ANO3: variants seen among roughly 807,000 people sequenced by gnomAD.
ANO3 encodes anoctamin-3.
ANO3 carries 99 observed loss-of-function variants against 144.8 expected under a neutral mutation model. The ratio of observed to expected loss-of-function variants is 0.68; its 90% CI spans 0.58 to 0.81. The LOEUF (loss-of-function observed/expected upper bound fraction) is 0.81, where lower values mean the gene tolerates loss of function less well. Ranked by LOEUF, ANO3 falls within the 30% of genes least tolerant of loss-of-function variation. The pLI, the probability that ANO3 is intolerant of heterozygous loss-of-function variation, is 0.00. For missense variants in ANO3, 905 were observed against 1,202.2 expected, an observed-to-expected ratio of 0.75 and a Z score of 3.66; for synonymous variants, 414 against 392.6, an observed-to-expected ratio of 1.05 and a Z score of -0.64.
intron 14 of ANO3, chr11:26,572,409 T>C (rs1850864312): frequency 8.5e-6 from 2 of 235,190 alleles, no homozygotes; most frequent in African/African-American, 4.7e-5. Flanking sequence ...TTTTTCACCC[T>C]AAGTGAAAAA....
At chr11:26,370,648 A>G (rs1856226250) in intron 1 of ANO3, among the ~76,000 whole-genome samples, 1 of 152,188 alleles carries the variant, frequency 6.6e-6, no homozygotes, top group Non-Finnish European at 1.5e-5. Flanking sequence ...GGAACTTCCT[A>G]GAGACTTTTT....
chr11:26,464,278 G>A (rs578005705), intron 4 of ANO3, among the ~76,000 whole-genome samples: 1 of 151,822 alleles, frequency 6.6e-6, no homozygotes, highest in South Asian at 2.1e-4. Context: ...TTGCAAATCA[G>A]GTGTTTATCT....
intron 3 of ANO3, among the ~76,000 whole-genome samples, chr11:26,445,935 G>A (rs11029561): frequency 0.056 from 8,471 of 151,998 alleles, 382 homozygotes; most frequent in African/African-American, 0.12. Context: ...AGGTTCAAGC[G>A]ATTCTCCTGC....
upstream of ANO3, among the ~76,000 whole-genome samples, chr11:26,305,778 G>A (rs1229905759): frequency 6.6e-6 from 1 of 152,134 alleles, no homozygotes; most frequent in Non-Finnish European, 1.5e-5. Flanking sequence ...GTTATACCCA[G>A]TAAACATGCT....
At position 26,459,214 on chromosome 11, in the gene ANO3, C is replaced by A. The variant is rs115316187; in HGVS notation, c.314-3816C>A. On this transcript the variant is annotated intron_variant, in intron 3 of 26. Transcript: ENST00000256737. The stretch of plus-strand genomic sequence containing the variant: ...TAAGGAGCTAGATGATGCATATGCC[C>A]AGTGGGCTGTTGTATGGACTATGGC... 3.9e-3 allele frequency among the ~76,000 whole-genome samples: 593 copies of A among 152,114 alleles called. 10 individuals are homozygous for A. The highest frequency in any genetic ancestry group is 0.014 in the African/African-American group (584 of 41,488).
chr11:26,561,337 A>T (rs1850283835), intron 14 of ANO3: 1 of 743,700 alleles, frequency 1.3e-6, no homozygotes, highest in African/African-American at 1.9e-5. Flanking sequence ...ATATATTTTT[A>T]TATGGGCTTT....
intron 1 of ANO3, among the ~76,000 whole-genome samples, chr11:26,245,834 G>T (rs1195634066): frequency 6.6e-6 from 1 of 152,106 alleles, no homozygotes; most frequent in Non-Finnish European, 1.5e-5. Context: ...GGAATTCAAT[G>T]AGCTTGAAGA....
At chr11:26,454,994 G>T (rs1039693090) in intron 3 of ANO3, among the ~76,000 whole-genome samples, 1 of 150,368 alleles carries the variant, frequency 6.7e-6, no homozygotes, top group Non-Finnish European at 1.5e-5. Context: ...CTCAATAGAT[G>T]CAGAAAAGGC....
intron 13 of ANO3, chr11:26,559,004 G>A (rs1045375670): frequency 6.6e-6 from 1 of 151,990 alleles, no homozygotes; most frequent in African/African-American, 2.4e-5. Context: ...TATACTGAGG[G>A]CATTATGCAA....
chr11:26,359,735 G>A (rs917870800), intron 1 of ANO3, among the ~76,000 whole-genome samples: 3 of 152,078 alleles, frequency 2.0e-5, no homozygotes, highest in Admixed American at 6.6e-5. Context: ...TCATAGGGAT[G>A]GCCTCATTTG....
At chr11:26,489,573 C>T (rs1015409057) in intron 4 of ANO3, among the ~76,000 whole-genome samples, 7 of 152,136 alleles carry the variant, frequency 4.6e-5, no homozygotes, top group African/African-American at 1.4e-4. Context: ...GGAAAAGCCA[C>T]GGGCACTCAA....
chr11:26,621,320 T>G (rs986293026), intron 17 of ANO3, among the ~76,000 whole-genome samples: 1 of 152,096 alleles, frequency 6.6e-6, no homozygotes, highest in African/African-American at 2.4e-5. Flanking sequence ...CTCTTACTAC[T>G]TCACTGTCTT....
chr11:26,634,745 G>T (rs1320928190), intron 19 of ANO3, among the ~76,000 whole-genome samples: 1 of 152,140 alleles, frequency 6.6e-6, no homozygotes, highest in Non-Finnish European at 1.5e-5. Flanking sequence ...TCATTAACTA[G>T]GTCAACAAAA....
chr11:26,265,001 G>A (rs1030259315), intron 1 of ANO3, among the ~76,000 whole-genome samples: 3 of 151,742 alleles, frequency 2.0e-5, no homozygotes, highest in Non-Finnish European at 2.9e-5. Context: ...GGTGGTTTTG[G>A]TGCTAACAAT....
intron 4 of ANO3, among the ~76,000 whole-genome samples, chr11:26,472,354 T>C (rs1390247962): frequency 6.6e-6 from 1 of 151,946 alleles, no homozygotes; most frequent in East Asian, 1.9e-4. Flanking sequence ...TTAACAGGGA[T>C]TTTAATGACT....
intron 3 of ANO3, among the ~76,000 whole-genome samples, chr11:26,453,222 C>T (rs1288686030): frequency 6.6e-6 from 1 of 152,104 alleles, no homozygotes. Context: ...CAAATTCACA[C>T]ATAACAATAT....
intron 1 of ANO3, among the ~76,000 whole-genome samples, chr11:26,233,927 C>T (rs537038964): frequency 4.6e-5 from 7 of 152,056 alleles, no homozygotes; most frequent in East Asian, 1.9e-4. Context: ...GAACATTACA[C>T]GCAAGGGCCT....
intron 17 of ANO3, among the ~76,000 whole-genome samples, chr11:26,615,414 A>ATATATATATTTTTTTT (rs1352935016): frequency 2.5e-4 from 33 of 130,674 alleles, no homozygotes; most frequent in African/African-American, 9.8e-4. Context: ...ATATATATAT[A>ATATATATATTTTTTTT]TTTTTTTTTT....
intron 1 of ANO3, among the ~76,000 whole-genome samples, chr11:26,322,380 C>A (rs1447678992): frequency 6.6e-6 from 1 of 152,062 alleles, no homozygotes; most frequent in Non-Finnish European, 1.5e-5. Flanking sequence ...TTATTATCAA[C>A]TAAAGCCTAT....
Sources: allele counts gnomAD v4.1 joint callset (sites outside exome capture counted in the v4.1 genomes callset), GRCh38; gene constraint gnomAD v4.1.1; transcripts MANE v1.5; gene names NCBI Gene and HGNC (gene_info 2026-07-23, HGNC 2026-07-21).